Variants in LRBA observed in about 807,000 individuals in gnomAD.
The protein encoded by LRBA is lipopolysaccharide-responsive and beige-like anchor protein.
A neutral mutation model predicts 330.0 loss-of-function variants in LRBA; 176 were observed. That is an observed-to-expected ratio of 0.53 (90% CI 0.47 to 0.60). The LOEUF (loss-of-function observed/expected upper bound fraction) is 0.60, where lower values mean the gene tolerates loss of function less well. LRBA is among the 20% of genes least tolerant of loss of function. The probability of loss-of-function intolerance (pLI) is 0.00; values close to 1 mark genes in which losing one functional copy is unlikely to be tolerated. For synonymous variants in LRBA, 1,230 were observed against 1,193.0 expected (o/e 1.03, Z -0.64); for missense variants, 3,259 against 3,444.8 (o/e 0.95, Z 1.35).
chr4:150,964,584 C>T (rs1738669730), intron 2 of LRBA, among the ~76,000 whole-genome samples: 1 of 148,934 alleles, frequency 6.7e-6, no homozygotes, highest in South Asian at 2.1e-4. Flanking sequence ...GGATTAAGGG[C>T]GGTGCAAGAT....
chr4:151,011,408 G>A (rs1744824776), intron 2 of LRBA, among the ~76,000 whole-genome samples: 1 of 151,838 alleles, frequency 6.6e-6, no homozygotes, highest in Non-Finnish European at 1.5e-5. Context: ...GACCAGCCTG[G>A]CCAACATGGT....
At chr4:150,551,674 T>TAAA (rs67971232) in intron 40 of LRBA, among the ~76,000 whole-genome samples, 2 of 144,890 alleles carry the variant, frequency 1.4e-5, no homozygotes, top group African/African-American at 5.1e-5. Flanking sequence ...TCTCAAAAAA[T>TAAA]AAAAAAAAAA....
intron 48 of LRBA, among the ~76,000 whole-genome samples, chr4:150,327,413 GACAAGAGTACAGCCTGA>G (rs1025007507): frequency 5.3e-5 from 8 of 152,090 alleles, no homozygotes; most frequent in African/African-American, 1.4e-4. Context: ...GTGCAGCCTG[GACAAGAGTACAGCCTGA>G]ACAAGAGTGC....
At chr4:150,730,604 A>G (rs1408995552) in intron 36 of LRBA, among the ~76,000 whole-genome samples, 1 of 150,946 alleles carries the variant, frequency 6.6e-6, no homozygotes, top group Non-Finnish European at 1.5e-5. Context: ...AATCCCCTGA[A>G]CCAGGGAGGT....
At chr4:150,728,128 T>C (rs1729948814) in intron 36 of LRBA, among the ~76,000 whole-genome samples, 1 of 152,154 alleles carries the variant, frequency 6.6e-6, no homozygotes, top group South Asian at 2.1e-4. Context: ...GATCAATTCC[T>C]AGATACATAA....
chr4:150,437,704 T>C (rs1480641646), intron 44 of LRBA, among the ~76,000 whole-genome samples: 2 of 151,710 alleles, frequency 1.3e-5, no homozygotes, highest in Non-Finnish European at 2.9e-5. Flanking sequence ...ATTCAAAAGG[T>C]TGTTTTGGAA....
At chr4:150,831,200 CTT>C (rs77038090) in intron 29 of LRBA, among the ~76,000 whole-genome samples, 11 of 138,306 alleles carry the variant, frequency 8.0e-5, no homozygotes, top group Non-Finnish European at 6.4e-5. Flanking sequence ...TTATTACTTT[CTT>C]TTTTTTTTTT....
chr4:150,621,542 A>G (rs1776290325), intron 37 of LRBA, among the ~76,000 whole-genome samples: 1 of 152,238 alleles, frequency 6.6e-6, no homozygotes, highest in Non-Finnish European at 1.5e-5. Context: ...TAGCAAACTC[A>G]TATAACCTAC....
intron 40 of LRBA, among the ~76,000 whole-genome samples, chr4:150,509,227 T>C (rs1581533222): frequency 6.6e-6 from 1 of 151,978 alleles, no homozygotes; most frequent in Admixed American, 6.6e-5. Context: ...TATTTTTCAA[T>C]TAATAAGAAA....
At chr4:150,816,471 T>G (rs980668206) in intron 31 of LRBA, among the ~76,000 whole-genome samples, 1 of 151,934 alleles carries the variant, frequency 6.6e-6, no homozygotes, top group African/African-American at 2.4e-5. Context: ...GTATAGGATC[T>G]TGCATCCATA....
intron 2 of LRBA, among the ~76,000 whole-genome samples, chr4:150,979,495 C>A (rs1286619966): frequency 6.6e-6 from 1 of 152,058 alleles, no homozygotes; most frequent in Non-Finnish European, 1.5e-5. Flanking sequence ...CAGAAAAACA[C>A]AATAACACCA....
chr4:150,927,927 C>G (rs115963582), intron 4 of LRBA, among the ~76,000 whole-genome samples: 1 of 152,278 alleles, frequency 6.6e-6, no homozygotes, highest in African/African-American at 2.4e-5. Flanking sequence ...GGGCAATGAT[C>G]TCTAAAGGGC....
At chr4:150,804,422 G>C (rs947459731) in intron 33 of LRBA, among the ~76,000 whole-genome samples, 1 of 152,144 alleles carries the variant, frequency 6.6e-6, no homozygotes, top group African/African-American at 2.4e-5. Context: ...GTCAAACGAA[G>C]TGCTCATATT....
chr4:150,288,051 G>C (rs1194527561), intron 53 of LRBA, among the ~76,000 whole-genome samples: 1 of 151,484 alleles, frequency 6.6e-6, no homozygotes, highest in Non-Finnish European at 1.5e-5. Context: ...GAATGCGGTG[G>C]TGCGATCTCG....
At chr4:150,940,281 A>G (rs1308333077) in intron 2 of LRBA, among the ~76,000 whole-genome samples, 1 of 151,738 alleles carries the variant, frequency 6.6e-6, no homozygotes, top group Non-Finnish European at 1.5e-5. Context: ...ACATGCCAAT[A>G]GTCCAAGCTA....
intron 37 of LRBA, among the ~76,000 whole-genome samples, chr4:150,618,264 A>G (rs1049495552): frequency 3.9e-5 from 6 of 152,240 alleles, no homozygotes; most frequent in Non-Finnish European, 5.9e-5. Flanking sequence ...GGCTAGGGAT[A>G]TAGCATGGGG....
At chr4:150,334,134 T>C (rs1734333970) in intron 48 of LRBA, among the ~76,000 whole-genome samples, 1 of 152,106 alleles carries the variant, frequency 6.6e-6, no homozygotes, top group South Asian at 2.1e-4. Flanking sequence ...TCAAATTATT[T>C]AAAAAGAGTC....
chr4:150,797,936 T>A (rs907842502), intron 34 of LRBA, 145 bp downstream of exon 34: 19 of 577,300 alleles, frequency 3.3e-5, no homozygotes, highest in Middle Eastern at 4.3e-4. Flanking sequence ...GTAATCCTTT[T>A]GCAATACAAA....
chr4:150,450,554 C>T (rs1158289362), intron 44 of LRBA, among the ~76,000 whole-genome samples: 1 of 152,150 alleles, frequency 6.6e-6, no homozygotes, highest in Non-Finnish European at 1.5e-5. Context: ...GAACACCAGT[C>T]ATATTGGATT....
Sources: gnomAD v4.1 joint callset for allele counts (sites outside exome capture counted in the v4.1 genomes callset) on GRCh38, gnomAD v4.1.1 for gene constraint, MANE v1.5 for transcripts, NCBI Gene and HGNC (gene_info 2026-07-23, HGNC 2026-07-21) for gene names.